Variants in PIK3C2G observed in about 807,000 individuals in gnomAD.
The protein encoded by PIK3C2G is phosphatidylinositol 3-kinase C2 domain-containing subunit gamma.
A neutral mutation model predicts 181.1 loss-of-function variants in PIK3C2G; 168 were observed. That is an observed-to-expected ratio of 0.93 (90% CI 0.82 to 1.05). The LOEUF is 1.05. Among genes scored for constraint, PIK3C2G ranks in the 50% least tolerant of loss-of-function variants. The pLI is 0.00. For missense variants in PIK3C2G, 1,869 were observed against 1,732.8 expected, an observed-to-expected ratio of 1.08 and a Z score of -1.40; for synonymous variants, 573 against 592.2, an observed-to-expected ratio of 0.97 and a Z score of 0.47.
the PIK3C2G span, among the ~76,000 whole-genome samples, chr12:18,696,845 A>T: frequency 6.6e-6 from 1 of 152,080 alleles, no homozygotes; most frequent in African/African-American, 2.4e-5. Flanking sequence ...CTGTGTTTAC[A>T]TGTCTCCATT....
At chr12:18,640,780 TA>T (rs1949802508) in intron 32 of PIK3C2G, among the ~76,000 whole-genome samples, 1 of 152,180 alleles carries the variant, frequency 6.6e-6, no homozygotes, top group African/African-American at 2.4e-5. Context: ...CAAGTATGGC[TA>T]ACCTCCAGCA....
chr12:18,270,148 GA>G (rs544997315), intron 1 of PIK3C2G, among the ~76,000 whole-genome samples: 31 of 151,904 alleles, frequency 2.0e-4, no homozygotes, highest in African/African-American at 7.5e-4. Flanking sequence ...GACCTCAGGT[GA>G]TCCACCCACC....
the PIK3C2G span, among the ~76,000 whole-genome samples, chr12:18,655,848 A>C: frequency 6.6e-6 from 1 of 151,996 alleles, no homozygotes; most frequent in South Asian, 2.1e-4. Flanking sequence ...CATAAAAAGC[A>C]AAGAATGCCT....
intron 26 of PIK3C2G, among the ~76,000 whole-genome samples, chr12:18,552,111 T>G (rs771378245): frequency 1.1e-4 from 16 of 152,064 alleles, no homozygotes; most frequent in Non-Finnish European, 1.9e-4. Flanking sequence ...AGGTACAACT[T>G]TGAAGCCGTT....
chr12:18,608,859 A>G (rs1286270150), intron 30 of PIK3C2G, among the ~76,000 whole-genome samples: 2 of 152,110 alleles, frequency 1.3e-5, no homozygotes, highest in African/African-American at 4.8e-5. Context: ...TGTCGTCTGA[A>G]ACTTACATTG....
intron 16 of PIK3C2G, among the ~76,000 whole-genome samples, chr12:18,401,496 A>C (rs1296886456): frequency 6.6e-6 from 1 of 152,138 alleles, no homozygotes; most frequent in Non-Finnish European, 1.5e-5. Flanking sequence ...GTTTTTGCTG[A>C]AGTTAGACTT....
chr12:18,431,088 C>T (rs1183355499), intron 18 of PIK3C2G, among the ~76,000 whole-genome samples: 1 of 152,030 alleles, frequency 6.6e-6, no homozygotes, highest in Non-Finnish European at 1.5e-5. Context: ...TCTCTCTCAC[C>T]CGCCTCTCCA....
intron 12 of PIK3C2G, among the ~76,000 whole-genome samples, chr12:18,366,843 A>G (rs1453494976): frequency 2.0e-5 from 3 of 152,110 alleles, no homozygotes; most frequent in Non-Finnish European, 2.9e-5. Context: ...GCTATACAAA[A>G]GTTAAAAAAA....
downstream of PIK3C2G, among the ~76,000 whole-genome samples, chr12:18,649,427 C>G (rs1305959641): frequency 2.6e-5 from 4 of 152,136 alleles, no homozygotes; most frequent in Non-Finnish European, 5.9e-5. Flanking sequence ...CTCTTCTACT[C>G]AAATCATCAT....
At chr12:18,457,472 A>G (rs1259664871) in intron 18 of PIK3C2G, among the ~76,000 whole-genome samples, 15 of 152,130 alleles carry the variant, frequency 9.9e-5, no homozygotes, top group Admixed American at 9.8e-4. Flanking sequence ...CACTGGCCTC[A>G]GTTCCGTGTG....
chr12:18,652,955 G>A (rs763482121), downstream of PIK3C2G, among the ~76,000 whole-genome samples: 2 of 151,962 alleles, frequency 1.3e-5, no homozygotes, highest in Non-Finnish European at 2.9e-5. Context: ...GAGAAAGAGA[G>A]AGACTGATTT....
At chr12:18,554,779 A>G (rs561791846) in intron 26 of PIK3C2G, among the ~76,000 whole-genome samples, 11 of 152,266 alleles carry the variant, frequency 7.2e-5, no homozygotes, top group African/African-American at 2.2e-4. Flanking sequence ...TACAAATTCA[A>G]TGCCGAACTA....
the PIK3C2G span, chr12:18,714,523 A>G: frequency 6.6e-6 from 1 of 152,268 alleles, no homozygotes; most frequent in African/African-American, 2.4e-5. Flanking sequence ...GGAAGAGACA[A>G]AACTGAATCT....
chr12:18,251,332 A>G (rs1948093357), intron 1 of PIK3C2G, among the ~76,000 whole-genome samples: 1 of 151,986 alleles, frequency 6.6e-6, no homozygotes, highest in African/African-American at 2.4e-5. Flanking sequence ...AAGAATTGGA[A>G]ATTTTAGTCA....
intron 26 of PIK3C2G, among the ~76,000 whole-genome samples, chr12:18,554,343 C>T (rs1944891834): frequency 6.6e-6 from 1 of 152,064 alleles, no homozygotes; most frequent in African/African-American, 2.4e-5. Flanking sequence ...AAAACATCTA[C>T]ATGCTTATAG....
At chr12:18,666,418 G>C in the PIK3C2G span, among the ~76,000 whole-genome samples, 1 of 152,050 alleles carries the variant, frequency 6.6e-6, no homozygotes, top group Non-Finnish European at 1.5e-5. Context: ...GTCTCAAAAA[G>C]AGCTGGGGTG....
chr12:18,480,582 C>T (rs1939460030), intron 18 of PIK3C2G, among the ~76,000 whole-genome samples: 1 of 152,072 alleles, frequency 6.6e-6, no homozygotes, highest in Non-Finnish European at 1.5e-5. Context: ...CTAGTTAAAA[C>T]AAGAATGGGG....
At chr12:18,725,535 C>A in the PIK3C2G span, among the ~76,000 whole-genome samples, 3,591 of 152,164 alleles carry the variant, frequency 0.024, 131 homozygotes, top group African/African-American at 0.082. Flanking sequence ...ATGCAGAAAT[C>A]AATTCTGTAA....
At chr12:18,690,453 G>T in the PIK3C2G span, among the ~76,000 whole-genome samples, 1 of 152,084 alleles carries the variant, frequency 6.6e-6, no homozygotes, top group African/African-American at 2.4e-5. Context: ...TTGAACTCTT[G>T]ACCTCAGGTA....
Sources: allele counts gnomAD v4.1 joint callset (sites outside exome capture counted in the v4.1 genomes callset), GRCh38; gene constraint gnomAD v4.1.1; transcripts MANE v1.5; gene names NCBI Gene and HGNC (gene_info 2026-07-23, HGNC 2026-07-21).